The following BCAT1 variants were observed in gnomAD, a reference collection of about 807,000 sequenced individuals.
BCAT1 encodes branched chain amino acid transaminase 1.
BCAT1 carries 48 observed loss-of-function variants against 52.4 expected under a neutral mutation model. The observed-to-expected ratio is 0.92, with a 90% CI of 0.73 to 1.16. The LOEUF (loss-of-function observed/expected upper bound fraction) is 1.16. Ranked by LOEUF, BCAT1 falls within the 50% of genes most tolerant of loss-of-function variation. The pLI, the probability that BCAT1 is intolerant of heterozygous loss-of-function variation, is 0.00. For synonymous variants in BCAT1, 167 were observed against 161.3 expected (o/e 1.04, Z -0.27); for missense variants, 451 against 457.1 (o/e 0.99, Z 0.12).
At position 24,811,911 on chromosome 12, in the gene BCAT1, A is replaced by G. The variant is rs1598077164; in HGVS notation, c.*6097T>C. ...TCACATTTAAAAACTACTTCCTCGA[A>G]CTACTTATTTTTCCTCAGCCACAAG... On this transcript the variant is annotated 3_prime_UTR_variant, in exon 11 of 11. Coordinates refer to ENST00000261192, the MANE Select transcript of BCAT1 (RefSeq NM_005504.7). 6.6e-6 allele frequency: 1 copy of G among 152,086 alleles called. No individual in the cohort carries two copies. The highest frequency in any genetic ancestry group is 1.5e-5 in the Non-Finnish European group (1 of 67,964). 9.4% of individuals were successfully genotyped at this position (152,086 alleles called of 1,614,324 possible).
chr12:24,937,363 A>G (rs1943775719), intron 1 of BCAT1, among the ~76,000 whole-genome samples: 1 of 152,214 alleles, frequency 6.6e-6, no homozygotes, highest in African/African-American at 2.4e-5. Context: ...GGAAACGGCA[A>G]AACAAGATGA....
chr12:24,857,954 G>A (rs1344446495), intron 5 of BCAT1, among the ~76,000 whole-genome samples: 1 of 152,170 alleles, frequency 6.6e-6, no homozygotes, highest in African/African-American at 2.4e-5. Context: ...CACCTAGAAG[G>A]TATGGAAACA....
intron 3 of BCAT1, among the ~76,000 whole-genome samples, chr12:24,887,286 G>T (rs1289821209): frequency 6.6e-6 from 1 of 151,284 alleles, no homozygotes; most frequent in Admixed American, 6.6e-5. Flanking sequence ...GAACAGATAT[G>T]GAGTGGACCA....
intron 2 of BCAT1, among the ~76,000 whole-genome samples, chr12:24,899,388 T>C (rs1219752370): frequency 6.6e-6 from 1 of 152,094 alleles, no homozygotes; most frequent in East Asian, 1.9e-4. Context: ...TAACAGATGC[T>C]GATGAGGATA....
chr12:24,845,201 G>A (rs1338118598), intron 6 of BCAT1, among the ~76,000 whole-genome samples: 2 of 148,930 alleles, frequency 1.3e-5, no homozygotes, highest in African/African-American at 4.9e-5. Flanking sequence ...GAGACAGAGC[G>A]AGACTGTCCC....
intron 1 of BCAT1, among the ~76,000 whole-genome samples, chr12:24,926,512 T>C (rs1943589993): frequency 6.6e-6 from 1 of 152,166 alleles, no homozygotes; most frequent in East Asian, 1.9e-4. Context: ...TTTTGTGGAA[T>C]AGAAAAGGGG....
intron 6 of BCAT1, among the ~76,000 whole-genome samples, chr12:24,844,894 CAAAAAA>C (rs11318750): frequency 0.014 from 498 of 36,004 alleles, 8 homozygotes; most frequent in African/African-American, 0.051. Context: ...GAGACTGTCT[CAAAAAA>C]AAAAAAAAAA....
At position 24,836,869 on chromosome 12, in the gene BCAT1, GAA is replaced by G. The variant is rs1342046395; in HGVS notation, c.818-275_818-274del. Among the ~76,000 whole-genome samples, 144 of 82,660 alleles carry G rather than the reference GAA, an allele frequency of 1.7e-3. 2 individuals are homozygous for G. The highest frequency in any genetic ancestry group is 6.2e-3 in the African/African-American group (142 of 23,028). 54.2% of individuals were successfully genotyped at this position (82,660 alleles called of 152,430 possible). A position where few individuals can be genotyped will look rare whatever the true frequency, so the allele number is the denominator to read the frequency against. On this transcript the variant is annotated intron_variant, in intron 7 of 10. Coordinates refer to ENST00000261192, the MANE Select transcript of BCAT1 (RefSeq NM_005504.7). Reference sequence around the variant, plus strand: ...GAGAGAAAGAAAGGAAGGAAGGAAGGAAAGAGAAAGAGAAAGAAAGAAAGAAA... The same window carrying G: ...GAGAGAAAGAAAGGAAGGAAGGAAGGAGAGAAAGAGAAAGAAAGAAAGAAA...
At chr12:24,852,511 A>G (rs960150422) in intron 5 of BCAT1, among the ~76,000 whole-genome samples, 3 of 152,230 alleles carry the variant, frequency 2.0e-5, no homozygotes, top group African/African-American at 7.2e-5. Flanking sequence ...TAAAAGAAGT[A>G]ACAATAACGT....
chr12:24,901,894 A>G lies in BCAT1; in HGVS notation c.7-9T>C. Reference sequence around the variant, plus strand: ...CATCCGTTACTGCAATCCTTAAAGAAGAATTAAACCACCATTAAGTAAATG... The same window carrying G: ...CATCCGTTACTGCAATCCTTAAAGAGGAATTAAACCACCATTAAGTAAATG... On this transcript the variant is annotated splice_polypyrimidine_tract_variant and intron_variant, in intron 1 of 10. Transcript: ENST00000261192. 3 of 1,613,508 alleles carry G rather than the reference A, an allele frequency of 1.9e-6. No homozygotes were observed. The highest frequency in any genetic ancestry group is 2.5e-6 in the Non-Finnish European group (3 of 1,179,474).
At chr12:24,846,560 T>C (rs1022897621) in intron 6 of BCAT1, among the ~76,000 whole-genome samples, 1 of 152,166 alleles carries the variant, frequency 6.6e-6, no homozygotes, top group East Asian at 1.9e-4. Flanking sequence ...TTATGTAAAA[T>C]TTAACTGATT....
intron 1 of BCAT1, among the ~76,000 whole-genome samples, chr12:24,939,423 A>G (rs1319530939): frequency 1.3e-5 from 2 of 152,210 alleles, no homozygotes; most frequent in Non-Finnish European, 2.9e-5. Context: ...TATAATGTGT[A>G]TACTATGAAG....
chr12:24,930,559 A>C (rs1247823110), intron 1 of BCAT1, among the ~76,000 whole-genome samples: 1 of 152,158 alleles, frequency 6.6e-6, no homozygotes, highest in Non-Finnish European at 1.5e-5. Context: ...CAAGCTACAG[A>C]TCCTCTAGGC....
intron 6 of BCAT1, among the ~76,000 whole-genome samples, chr12:24,844,131 T>C (rs1941260878): frequency 6.6e-6 from 1 of 152,204 alleles, no homozygotes; most frequent in East Asian, 1.9e-4. Context: ...CCTTGTCTGC[T>C]TAAGATCATT....
intron 1 of BCAT1, among the ~76,000 whole-genome samples, chr12:24,929,688 CA>C (rs1430295892): frequency 6.6e-6 from 1 of 152,138 alleles, no homozygotes; most frequent in Non-Finnish European, 1.5e-5. Context: ...CATAACAAGA[CA>C]ACCTATGCTT....
chr12:24,921,151 T>C lies in BCAT1; in HGVS notation c.7-19266A>G, dbSNP rs1363951169. On this transcript the variant is annotated intron_variant, in intron 1 of 10. Coordinates refer to ENST00000261192, the MANE Select transcript of BCAT1 (RefSeq NM_005504.7). ...GGATTTTCATGGAGGCTTCATTACA[T>C]AGGCATGACTGATTAAACCACTGGC... Among the ~76,000 whole-genome samples, 5 of 152,282 alleles carry C rather than the reference T, an allele frequency of 3.3e-5. No homozygotes were observed. In the East Asian group the frequency reaches 7.7e-4, roughly 24 times the overall value.
chr12:24,949,118 G>T (rs1943984004), upstream of BCAT1: 1 of 600,294 alleles, frequency 1.7e-6, no homozygotes, highest in Non-Finnish European at 2.9e-6. Flanking sequence ...GCCCTCTCGC[G>T]GCGGAGACTC....
intron 7 of BCAT1, among the ~76,000 whole-genome samples, chr12:24,836,897 GA>G (rs1183678778): frequency 0.025 from 721 of 28,910 alleles, 46 homozygotes; most frequent in East Asian, 0.21. Flanking sequence ...AAGAAAGAAA[GA>G]AAAGAAAGAG....
chr12:24,899,188 G>T (rs978306582), intron 2 of BCAT1, among the ~76,000 whole-genome samples: 5 of 152,182 alleles, frequency 3.3e-5, no homozygotes, highest in African/African-American at 1.2e-4. Context: ...GCTAGGCCCT[G>T]CTGCAAAACT....
Sources: allele counts gnomAD v4.1 joint callset (sites outside exome capture counted in the v4.1 genomes callset), GRCh38; gene constraint gnomAD v4.1.1; transcripts MANE v1.5; gene names NCBI Gene and HGNC (gene_info 2026-07-23, HGNC 2026-07-21).